UNC79: variants seen among roughly 807,000 people sequenced by gnomAD.
UNC79 encodes unc-79 subunit of NALCN channel complex, also known as protein unc-79 homolog.
Under a neutral mutation model 283.1 loss-of-function variants are expected in UNC79, and 37 were observed. The ratio of observed to expected loss-of-function variants is 0.13; its 90% confidence interval spans 0.10 to 0.17. The LOEUF (loss-of-function observed/expected upper bound fraction) is 0.17. Among genes scored for constraint, UNC79 ranks in the 10% least tolerant of loss-of-function variants. The pLI, the probability that UNC79 is intolerant of heterozygous loss-of-function variation, is 1.00. For synonymous variants in UNC79, 1,107 were observed against 1,200.2 expected (o/e 0.92, Z 1.61); for missense variants, 2,272 against 3,211.1 (o/e 0.71, Z 7.07).
chr14:93,556,334 T>A (rs1034517535), intron 14 of UNC79, among the ~76,000 whole-genome samples: 1 of 152,210 alleles, frequency 6.6e-6, no homozygotes, highest in African/African-American at 2.4e-5. Flanking sequence ...AAGCAACTGC[T>A]ATTGGACATT....
In UNC79 at chr14:93,690,307, A is replaced by C; in HGVS notation, c.7272+4A>C. On this transcript the variant is annotated splice_donor_region_variant and intron_variant, in intron 45 of 48. Coordinates refer to ENST00000555664, the Ensembl canonical transcript of UNC79. The surrounding 1 kb of genome is among the most constrained non-coding windows in gnomAD (Gnocchi z 4.3). ...TGGATTTCCAGAGCAATCAAAGGTA[A>C]GTGATTTCTGCAAGATTAAGACCGT... 1 of 1,612,666 alleles carries C rather than the reference A, an allele frequency of 6.2e-7. No individual in the cohort carries two copies. The highest frequency in any genetic ancestry group is 8.5e-7 in the Non-Finnish European group (1 of 1,179,210).
chr14:93,637,462 C>G (rs1186942698), intron 32 of UNC79, 163 bp downstream of exon 35: 2 of 1,246,102 alleles, frequency 1.6e-6, no homozygotes, highest in South Asian at 1.6e-5. Context: ...GACATCTCAT[C>G]TTTGAACATG....
rs537240337 is a variant in UNC79, at chr14:93,570,857, T to C, written c.1756-1037T>C. On this transcript the variant is annotated intron_variant, in intron 14 of 48. Coordinates refer to ENST00000555664, the Ensembl canonical transcript of UNC79. ...CGTACTATTCAAAACCAATAAGCCT[T>C]ATTATGTGGCTTGACCATAAACTAC... Among the ~76,000 whole-genome samples the C allele has an allele frequency of 1.7e-3, 265 of 152,320 alleles. 2 individuals are homozygous for C. Among genetic ancestry groups the C allele is most frequent in the African/African-American group, 6.0e-3 (251 of 41,572 alleles).
At chr14:93,396,970 T>A (rs2055011630) in intron 1 of UNC79, among the ~76,000 whole-genome samples, 1 of 152,134 alleles carries the variant, frequency 6.6e-6, no homozygotes, top group African/African-American at 2.4e-5. Context: ...GGCATATATA[T>A]GTGTGTGGTC....
chr14:93,551,619 AG>A (rs2141302963), intron 14 of UNC79, among the ~76,000 whole-genome samples: 1 of 152,312 alleles, frequency 6.6e-6, no homozygotes, highest in South Asian at 2.1e-4. Flanking sequence ...TTTAAGTAAG[AG>A]GCATGGTTAA....
intron 1 of UNC79, among the ~76,000 whole-genome samples, chr14:93,449,708 C>T (rs373165771): frequency 9.2e-5 from 14 of 151,976 alleles, no homozygotes; most frequent in African/African-American, 9.6e-5. Flanking sequence ...TTTTCTCATG[C>T]GACTGGGTTC....
At chr14:93,548,516 T>C (rs545326781) in intron 14 of UNC79, among the ~76,000 whole-genome samples, 1 of 152,348 alleles carries the variant, frequency 6.6e-6, no homozygotes, top group African/African-American at 2.4e-5. Context: ...CTAAAAAATG[T>C]TGTTTTTTTA....
chr14:93,658,156 G>A (rs1373376885), intron 38 of UNC79, among the ~76,000 whole-genome samples: 3 of 152,212 alleles, frequency 2.0e-5, no homozygotes, highest in Admixed American at 2.0e-4. Flanking sequence ...GCAGATCTGG[G>A]CACTGCCCCT....
chr14:93,407,709 G>T (rs958125326), intron 1 of UNC79, among the ~76,000 whole-genome samples: 2 of 152,082 alleles, frequency 1.3e-5, no homozygotes, highest in African/African-American at 4.8e-5. Flanking sequence ...TCTCAGTCCA[G>T]AAAATTTGGC....
At chr14:93,704,815 G>A in intron 48 of UNC79, 149 bp downstream of exon 51, 1 of 1,000,384 alleles carries the variant, frequency 1.0e-6, no homozygotes, top group East Asian at 2.5e-5. Context: ...GGAGACCTGT[G>A]GGCCAGGTAA....
intron 41 of UNC79, among the ~76,000 whole-genome samples, chr14:93,678,764 T>A (rs1256702146): frequency 1.3e-5 from 2 of 152,230 alleles, no homozygotes; most frequent in South Asian, 2.1e-4. Flanking sequence ...AGTTTACATA[T>A]GTAAAGTTTA....
intron 35 of UNC79, among the ~76,000 whole-genome samples, chr14:93,652,799 C>T (rs920531827): frequency 1.3e-5 from 2 of 152,090 alleles, no homozygotes; most frequent in Non-Finnish European, 2.9e-5. Flanking sequence ...CTGTCCTCTT[C>T]CCATTTCTTT....
At chr14:93,686,692 G>T (rs2074267213) in intron 43 of UNC79, 31 bp downstream of exon 46, 1 of 1,612,520 alleles carries the variant, frequency 6.2e-7, no homozygotes, top group Non-Finnish European at 8.5e-7. Context: ...TCATCCCTCA[G>T]GTTCACAAAA....
chr14:93,604,194 A>G (rs2065721014), intron 26 of UNC79, among the ~76,000 whole-genome samples: 2 of 152,194 alleles, frequency 1.3e-5, no homozygotes, highest in African/African-American at 4.8e-5. Context: ...TGTAAAATTT[A>G]TTAAATGATT....
chr14:93,658,073 T>G (rs971663875), intron 38 of UNC79, among the ~76,000 whole-genome samples: 1 of 152,216 alleles, frequency 6.6e-6, no homozygotes. Flanking sequence ...GCAGATTAAA[T>G]AGAACCAGTG....
intron 1 of UNC79, among the ~76,000 whole-genome samples, chr14:93,419,839 C>T (rs763283971): frequency 7.3e-5 from 11 of 151,300 alleles, no homozygotes; most frequent in African/African-American, 2.2e-4. Flanking sequence ...CAAGGTAAGA[C>T]GATTGCTTGA....
chr14:93,500,952 G>A (rs2059251575), intron 7 of UNC79, among the ~76,000 whole-genome samples: 1 of 152,186 alleles, frequency 6.6e-6, no homozygotes, highest in African/African-American at 2.4e-5. Flanking sequence ...TAACTTAGAA[G>A]CTCAAAGATG....
chr14:93,479,269 A>G (rs1330543275), intron 4 of UNC79, among the ~76,000 whole-genome samples: 1 of 116,116 alleles, frequency 8.6e-6, no homozygotes, highest in Non-Finnish European at 1.7e-5. Context: ...CCCTCCCTCC[A>G]TTCTTCCCTT....
At chr14:93,559,978 G>C (rs2062445507) in intron 14 of UNC79, among the ~76,000 whole-genome samples, 1 of 152,100 alleles carries the variant, frequency 6.6e-6, no homozygotes, top group African/African-American at 2.4e-5. Context: ...ATTAGGGGCG[G>C]CTTGGGAACC....
Sources: allele counts gnomAD v4.1 joint callset (sites outside exome capture counted in the v4.1 genomes callset), GRCh38; gene constraint gnomAD v4.1.1; non-coding constraint Gnocchi (gnomAD v3.1); transcripts MANE v1.5; gene names NCBI Gene and HGNC (gene_info 2026-07-23, HGNC 2026-07-21).